CHD7: variants seen among roughly 807,000 people sequenced by gnomAD.
CHD7 encodes the protein chromodomain helicase DNA binding protein 7.
CHD7 carries 24 observed loss-of-function variants against 307.3 expected under a neutral mutation model. The ratio of observed to expected loss-of-function variants is 0.08; its 90% CI spans 0.06 to 0.11. CHD7 has a LOEUF of 0.11. CHD7 is among the 10% of genes least tolerant of loss of function. The probability of loss-of-function intolerance (pLI) is 1.00; values close to 1 mark genes in which losing one functional copy is unlikely to be tolerated. For missense variants in CHD7, 3,106 were observed against 3,727.1 expected (o/e 0.83, Z 4.34); for synonymous variants, 1,363 against 1,349.9 (o/e 1.01, Z -0.21).
At chr8:60,722,207 A>G (rs1373448560) in intron 1 of CHD7, among the ~76,000 whole-genome samples, 1 of 152,174 alleles carries the variant, frequency 6.6e-6, no homozygotes, top group East Asian at 1.9e-4. Flanking sequence ...AGCCTTTATT[A>G]CAGTATCTGT....
At chr8:60,826,128 G>T (rs1022380019) in intron 13 of CHD7, among the ~76,000 whole-genome samples, 1 of 151,936 alleles carries the variant, frequency 6.6e-6, no homozygotes, top group Admixed American at 6.6e-5. Flanking sequence ...ATAATGGCAC[G>T]TATAGAAAAT....
At position 60,822,169 on chromosome 8, in the gene CHD7, A is replaced by G. The variant is rs750744099; in HGVS notation, c.2957+24A>G. 3.5e-5 allele frequency: 55 copies of G among 1,588,360 alleles called. 1 individual carries two copies. The South Asian group carries it at 5.9e-4, about 17-fold the overall frequency. Reference sequence around the variant, plus strand: ...ATGTATGTAAAACAAGTTTTTCTTCACTTTTAAATATATCTGTAGTTCCTT... The same window carrying G: ...ATGTATGTAAAACAAGTTTTTCTTCGCTTTTAAATATATCTGTAGTTCCTT... On this transcript the variant is annotated intron_variant, in intron 11 of 37. Coordinates refer to ENST00000423902, the MANE Select transcript of CHD7 (RefSeq NM_017780.4).
chr8:60,698,560 G>A (rs957105313), intron 1 of CHD7, among the ~76,000 whole-genome samples: 2 of 152,120 alleles, frequency 1.3e-5, no homozygotes, highest in Non-Finnish European at 2.9e-5. Context: ...TTGGGATCTT[G>A]GGCAGATAAC....
At chr8:60,703,814 G>A (rs1806884414) in intron 1 of CHD7, among the ~76,000 whole-genome samples, 2 of 152,210 alleles carry the variant, frequency 1.3e-5, no homozygotes, top group South Asian at 4.1e-4. Flanking sequence ...CTCTGAAACA[G>A]CTCATAAACT....
At chr8:60,792,948 A>G (rs1040832371) in intron 3 of CHD7, among the ~76,000 whole-genome samples, 2 of 152,262 alleles carry the variant, frequency 1.3e-5, no homozygotes, top group Non-Finnish European at 2.9e-5. Context: ...ACCACAAAAC[A>G]CTGCAGCGCA....
intron 3 of CHD7, among the ~76,000 whole-genome samples, chr8:60,794,403 G>A (rs574694757): frequency 2.0e-5 from 3 of 152,166 alleles, no homozygotes; most frequent in East Asian, 1.9e-4. Flanking sequence ...CAAAAAACAC[G>A]TAGCACCAAA....
At chr8:60,744,536 C>A (rs1586254958) in intron 2 of CHD7, among the ~76,000 whole-genome samples, 1 of 102,238 alleles carries the variant, frequency 9.8e-6, no homozygotes. Context: ...TGCTTTTTGT[C>A]AGTTCATTAA....
At chr8:60,842,507 T>C (rs1805018131) in intron 21 of CHD7, among the ~76,000 whole-genome samples, 3 of 152,236 alleles carry the variant, frequency 2.0e-5, no homozygotes, top group Non-Finnish European at 4.4e-5. Context: ...TCATTTGAAC[T>C]TTGTGAAAGT....
Position 60,865,080 on chromosome 8 carries a change from C to T in CHD7, c.8141C>T (p.Ala2714Val), listed in dbSNP as rs573554562. 15 of 1,609,804 alleles carry T rather than the reference C, an allele frequency of 9.3e-6. No homozygotes were observed. Among genetic ancestry groups the T allele is most frequent in the East Asian group, 4.5e-5 (2 of 44,766 alleles). ...LTGPVVRGEG[A>V]SRRGRRPKSE... ...GGGCCTGTAGTGCGGGGAGAGGGAGCGAGCAGAAGAGGAAGAAGGCCCAAA... is the reference window on the plus strand; with the variant it reads ...GGGCCTGTAGTGCGGGGAGAGGGAGTGAGCAGAAGAGGAAGAAGGCCCAAA... Residue 2714 changes from alanine (A) to valine (V), a missense_variant, in exon 38 of 38, where the codon GCG becomes GTG. Transcript: ENST00000423902. The surrounding 1 kb of genome is among the most constrained non-coding windows in gnomAD (Gnocchi z 4.3).
intron 6 of CHD7, among the ~76,000 whole-genome samples, chr8:60,803,848 A>G: frequency 6.6e-6 from 1 of 152,242 alleles, no homozygotes; most frequent in Admixed American, 6.5e-5. Context: ...TTGTGGATTC[A>G]ATCTATGCCT....
rs1395855672 is a variant in CHD7, at chr8:60,742,735, C to T, written c.1303C>T (p.Pro435Ser). The part of the protein sequence containing the change: ...GSYPNMPHPQ[P>S]SHQPPGAMGI... Reference sequence around the variant, plus strand: ...TTATCCAAATATGCCCCATCCTCAGCCATCTCACCAGCCCCCTGGTGCCAT... The same window carrying T: ...TTATCCAAATATGCCCCATCCTCAGTCATCTCACCAGCCCCCTGGTGCCAT... The change falls in exon 2 of 38, where the codon CCA becomes TCA. Residue 435 changes from proline (P) to serine (S), a missense_variant. Around this residue, in one of 10 missense-constraint regions of CHD7, gnomAD observed 998 missense variants for 1,004.5 expected, o/e 0.99. Transcript: ENST00000423902. 2.5e-6 allele frequency: 4 copies of T among 1,613,992 alleles called. No individual in the cohort carries two copies. In the South Asian group the frequency reaches 3.3e-5, roughly 13 times the overall value.
intron 2 of CHD7, among the ~76,000 whole-genome samples, chr8:60,748,907 A>G (rs548194664): frequency 6.6e-6 from 1 of 152,226 alleles, no homozygotes; most frequent in African/African-American, 2.4e-5. Flanking sequence ...GTGATAGGTA[A>G]TAATTTCCCA....
chr8:60,831,642 A>G (rs1804525417), intron 15 of CHD7, among the ~76,000 whole-genome samples: 1 of 151,806 alleles, frequency 6.6e-6, no homozygotes, highest in Non-Finnish European at 1.5e-5. Context: ...GAGGAAAGAC[A>G]GACAAGCAGA....
intron 19 of CHD7, among the ~76,000 whole-genome samples, chr8:60,839,790 A>G (rs1391358154): frequency 6.6e-6 from 1 of 152,118 alleles, no homozygotes; most frequent in Non-Finnish European, 1.5e-5. Flanking sequence ...GTTTCTTTTT[A>G]TTAATGTTTC....
At chr8:60,717,826 G>C (rs1431061240) in intron 1 of CHD7, among the ~76,000 whole-genome samples, 1 of 152,124 alleles carries the variant, frequency 6.6e-6, no homozygotes, top group Non-Finnish European at 1.5e-5. Context: ...TGTATTGCTG[G>C]TCTTATAAAA....
intron 1 of CHD7, among the ~76,000 whole-genome samples, chr8:60,716,545 A>G (rs1450748738): frequency 6.6e-6 from 1 of 152,078 alleles, no homozygotes; most frequent in Non-Finnish European, 1.5e-5. Context: ...TTCCTTCCCG[A>G]TCATACATAA....
chr8:60,799,125 A>G (rs1013949187), intron 4 of CHD7, among the ~76,000 whole-genome samples: 21 of 152,372 alleles, frequency 1.4e-4, no homozygotes, highest in African/African-American at 3.6e-4. Context: ...AAGTTAATAT[A>G]TCGATGAACT....
At chr8:60,821,712 A>G (rs1457800510) in intron 9 of CHD7, 78 bp from the exon 10 acceptor site, 4 of 1,241,948 alleles carry the variant, frequency 3.2e-6, no homozygotes, top group South Asian at 1.6e-5. Flanking sequence ...ATGTATAAAC[A>G]TATATATACA....
At chr8:60,854,600 T>G in intron 32 of CHD7, 77 bp downstream of exon 32, 1 of 1,317,474 alleles carries the variant, frequency 7.6e-7, no homozygotes, top group Non-Finnish European at 1.0e-6. Context: ...GCTTGATTTT[T>G]CAAGTAATTT....
Sources: gnomAD v4.1 joint callset for allele counts (sites outside exome capture counted in the v4.1 genomes callset) on GRCh38, gnomAD v4.1.1 for gene constraint, gnomAD v4.1.1 regional missense constraint, Gnocchi (gnomAD v3.1) non-coding constraint, MANE v1.5 for transcripts, NCBI Gene and HGNC (gene_info 2026-07-23, HGNC 2026-07-21) for gene names.